The following PYGO1 variants were observed in gnomAD, a reference collection of about 807,000 sequenced individuals.
PYGO1 encodes the protein pygopus homolog 1.
Under a neutral mutation model 29.5 loss-of-function variants are expected in PYGO1, and 6 were observed. The ratio of observed to expected loss-of-function variants is 0.20; its 90% CI spans 0.11 to 0.40. The LOEUF (loss-of-function observed/expected upper bound fraction) is 0.40. Among genes scored for constraint, PYGO1 ranks in the 10% least tolerant of loss-of-function variants. The probability of loss-of-function intolerance (pLI) is 1.00; values close to 1 mark genes in which losing one functional copy is unlikely to be tolerated. For missense variants in PYGO1, 515 were observed against 514.9 expected, an observed-to-expected ratio of 1.00 and a Z score of 0.00; for synonymous variants, 186 against 180.5, an observed-to-expected ratio of 1.03 and a Z score of -0.24.
intron 1 of PYGO1, among the ~76,000 whole-genome samples, chr15:55,564,772 C>T (rs1188754559): frequency 6.6e-6 from 1 of 152,226 alleles, no homozygotes; most frequent in Non-Finnish European, 1.5e-5. Context: ...GATAATCTCT[C>T]AGTCTGTAGT....
Position 55,539,035 on chromosome 15 carries a change from T to C in PYGO1, c.*6988A>G, listed in dbSNP as rs2058818271. Reference sequence around the variant, plus strand: ...ATATACTGATAAACAACATTCCTTATACAACGCACAAATAACATTAAGCAT... The same window carrying C: ...ATATACTGATAAACAACATTCCTTACACAACGCACAAATAACATTAAGCAT... On this transcript the variant is annotated 3_prime_UTR_variant, in exon 3 of 3. Coordinates refer to ENST00000563719, the MANE Select transcript of PYGO1 (RefSeq NM_001367806.1). 1 of 152,200 alleles carries C rather than the reference T, an allele frequency of 6.6e-6. No homozygotes were observed. Among genetic ancestry groups the C allele is most frequent in the Non-Finnish European group, 1.5e-5 (1 of 68,036 alleles). The allele number at this position is 152,200 out of a possible 1,614,324, so 9.4% of individuals were successfully genotyped here. A position where few individuals can be genotyped will look rare whatever the true frequency, so the allele number is the denominator to read the frequency against.
rs61436067 is a variant in PYGO1 at position 55,584,106 on chromosome 15, C to CT, written c.49+3728dup. Among the ~76,000 whole-genome samples the CT allele has an allele frequency of 1.4e-3, 174 of 123,134 alleles. 1 individual carries two copies. Among genetic ancestry groups the CT allele is most frequent in the South Asian group, 2.8e-3 (11 of 3,890 alleles). 80.8% of individuals were successfully genotyped at this position (123,134 alleles called of 152,430 possible). On this transcript the variant is annotated intron_variant, in intron 1 of 2. Transcript: ENST00000563719. The stretch of plus-strand genomic sequence containing the variant: ...AATTTCTTGAAGACAGGTGTCATAC[C>CT]TTTTTTTTTTTTTTTTTTTGGTGGG...
intron 1 of PYGO1, among the ~76,000 whole-genome samples, chr15:55,554,098 C>T (rs545610038): frequency 5.9e-5 from 9 of 152,222 alleles, no homozygotes; most frequent in Non-Finnish European, 1.2e-4. Flanking sequence ...CACAAAAACG[C>T]TTAAAACTCA....
intron 1 of PYGO1, among the ~76,000 whole-genome samples, chr15:55,572,770 G>A (rs1223188954): frequency 6.6e-6 from 1 of 151,876 alleles, no homozygotes; most frequent in Non-Finnish European, 1.5e-5. Context: ...TGGCCAACAG[G>A]TACCTGAAAA....
At chr15:55,586,934 A>G (rs1470298744) in intron 1 of PYGO1, among the ~76,000 whole-genome samples, 1 of 152,120 alleles carries the variant, frequency 6.6e-6, no homozygotes, top group Non-Finnish European at 1.5e-5. Context: ...AAGAGGGTGA[A>G]CTCCTACTGG....
intron 1 of PYGO1, among the ~76,000 whole-genome samples, chr15:55,552,104 C>T (rs563080064): frequency 1.1e-4 from 16 of 152,024 alleles, no homozygotes; most frequent in African/African-American, 3.4e-4. Context: ...CCGGTAATCC[C>T]AACACTTTGG....
At position 55,544,286 on chromosome 15, in the gene PYGO1, A is replaced by G. The variant is rs549977737; in HGVS notation, c.*1737T>C. 4 of 152,358 alleles carry G rather than the reference A, an allele frequency of 2.6e-5. No individual in the cohort carries two copies. In the East Asian group the frequency reaches 7.7e-4, roughly 29 times the overall value. 9.4% of individuals were successfully genotyped at this position (152,358 alleles called of 1,614,324 possible). A position where few individuals can be genotyped will look rare whatever the true frequency, so the allele number is the denominator to read the frequency against. The stretch of plus-strand genomic sequence containing the variant: ...TAGTTTTCTTCCAACAGAATATTAA[A>G]GGTCTAACTTTTATAAAATTCATCA... On this transcript the variant is annotated 3_prime_UTR_variant, in exon 3 of 3. Transcript: ENST00000563719.
intron 1 of PYGO1, among the ~76,000 whole-genome samples, 183 bp from the exon 2 acceptor site, chr15:55,549,178 T>G (rs7183299): frequency 0.31 from 47,848 of 151,928 alleles, 7,854 homozygotes; most frequent in South Asian, 0.42. Context: ...GAAATAGCCA[T>G]TCATCCCTGC....
At chr15:55,562,556 A>T (rs2058937342) in intron 1 of PYGO1, among the ~76,000 whole-genome samples, 1 of 152,104 alleles carries the variant, frequency 6.6e-6, no homozygotes, top group Non-Finnish European at 1.5e-5. Flanking sequence ...CTGTAATCCC[A>T]GCTACTCGGG....
At position 55,542,842 on chromosome 15, in the gene PYGO1, T is replaced by A. The variant is rs2141639036; in HGVS notation, c.*3181A>T. On this transcript the variant is annotated 3_prime_UTR_variant, in exon 3 of 3. Transcript: ENST00000563719. ...TACTCAGGAGGCTGAGGCAGGAGAA[T>A]CACTTGAACCAGGAAGGCAGACGTT... The A allele has an allele frequency of 6.6e-6, 1 of 152,022 alleles. No individual in the cohort carries two copies. The highest frequency in any genetic ancestry group is 2.4e-5 in the African/African-American group (1 of 41,398). The allele number at this position is 152,022 out of a possible 1,614,324, so 9.4% of individuals were successfully genotyped here.
intron 1 of PYGO1, among the ~76,000 whole-genome samples, chr15:55,577,128 G>C (rs1225678584): frequency 6.6e-6 from 1 of 152,102 alleles, no homozygotes; most frequent in Non-Finnish European, 1.5e-5. Context: ...AGTCATCTCT[G>C]CTCATCTGAG....
chr15:55,559,072 T>G (rs1420007008), intron 1 of PYGO1, among the ~76,000 whole-genome samples: 1 of 152,140 alleles, frequency 6.6e-6, no homozygotes, highest in African/African-American at 2.4e-5. Flanking sequence ...AGAAAATTTT[T>G]GCAATCTACT....
chr15:55,588,939 G>A, upstream of PYGO1: 4 of 1,245,974 alleles, frequency 3.2e-6, no homozygotes, highest in Non-Finnish European at 2.3e-6. Context: ...GTATTTTAAC[G>A]ACTTGACTCT....
At chr15:55,562,546 C>A (rs546392518) in intron 1 of PYGO1, among the ~76,000 whole-genome samples, 1 of 152,146 alleles carries the variant, frequency 6.6e-6, no homozygotes, top group Non-Finnish European at 1.5e-5. Flanking sequence ...TGGCGGGTGC[C>A]TGTAATCCCA....
intron 1 of PYGO1, among the ~76,000 whole-genome samples, chr15:55,571,837 T>C (rs2058981496): frequency 6.6e-6 from 1 of 152,226 alleles, no homozygotes; most frequent in African/African-American, 2.4e-5. Flanking sequence ...TTTCGTAATA[T>C]GGCCATATTT....
rs890527033 is a variant in PYGO1 at position 55,542,553 on chromosome 15, G to A, written c.*3470C>T. 3.3e-5 allele frequency: 5 copies of A among 152,124 alleles called. No homozygotes were observed. The highest frequency in any genetic ancestry group is 1.2e-4 in the African/African-American group (5 of 41,424). The allele number at this position is 152,124 out of a possible 1,614,324, so 9.4% of individuals were successfully genotyped here. On this transcript the variant is annotated 3_prime_UTR_variant, in exon 3 of 3. Transcript: ENST00000563719. ...TGAGCTGTTTCAGTATTAGTGAATC[G>A]AGTAACACCTAGAAGCATGTGGACC...
At chr15:55,554,397 A>T (rs2058893763) in intron 1 of PYGO1, among the ~76,000 whole-genome samples, 2 of 147,432 alleles carry the variant, frequency 1.4e-5, no homozygotes, top group South Asian at 4.4e-4. Context: ...TGAACATGGG[A>T]GGTGGAGCTT....
Position 55,540,807 on chromosome 15 carries a change from T to G in PYGO1, c.*5216A>C, listed in dbSNP as rs183367960. 69 of 152,300 alleles carry G rather than the reference T, an allele frequency of 4.5e-4. No homozygotes were observed. Among genetic ancestry groups the G allele is most frequent in the African/African-American group, 1.5e-3 (61 of 41,584 alleles). The allele number at this position is 152,300 out of a possible 1,614,324, so 9.4% of individuals were successfully genotyped here. A position where few individuals can be genotyped will look rare whatever the true frequency, so the allele number is the denominator to read the frequency against. ...AACAAAAAGTTACTGCAAAAATACA[T>G]GTCACCAATGTGGAACACACTCAGA... On this transcript the variant is annotated 3_prime_UTR_variant, in exon 3 of 3. Coordinates refer to ENST00000563719, the MANE Select transcript of PYGO1 (RefSeq NM_001367806.1).
At chr15:55,551,567 C>CG (rs977342581) in intron 1 of PYGO1, among the ~76,000 whole-genome samples, 7 of 151,998 alleles carry the variant, frequency 4.6e-5, no homozygotes, top group African/African-American at 1.7e-4. Context: ...GAGGCTGAGG[C>CG]GGGGGATTGC....
Sources: gnomAD v4.1 joint callset for allele counts (sites outside exome capture counted in the v4.1 genomes callset) on GRCh38, gnomAD v4.1.1 for gene constraint, MANE v1.5 for transcripts, NCBI Gene and HGNC (gene_info 2026-07-23, HGNC 2026-07-21) for gene names.